Variants in PPARA observed in about 807,000 individuals in gnomAD.
PPARA encodes the protein peroxisome proliferator-activated receptor alpha.
PPARA carries 22 observed loss-of-function variants against 42.2 expected under a neutral mutation model. The observed-to-expected ratio is 0.52, with a 90% CI of 0.37 to 0.74. The LOEUF is 0.74. Among genes scored for constraint, PPARA ranks in the 30% least tolerant of loss-of-function variants. The pLI, the probability that PPARA is intolerant of heterozygous loss-of-function variation, is 0.00. For missense variants in PPARA, 465 were observed against 608.2 expected (o/e 0.76, Z 2.48); for synonymous variants, 242 against 239.3 (o/e 1.01, Z -0.10).
chr22:46,213,524 C>T (rs1444084369), intron 4 of PPARA, among the ~76,000 whole-genome samples: 1 of 151,910 alleles, frequency 6.6e-6, no homozygotes, highest in Non-Finnish European at 1.5e-5. Context: ...TCCCCTGCCT[C>T]AGCCTCCCAA....
rs1934839522 is a variant in PPARA at position 46,219,714 on chromosome 22, A to T, written c.509-98A>T. On this transcript the variant is annotated intron_variant, in intron 6 of 8. Transcript: ENST00000407236. This position sits in a 1 kb window ranked among gnomAD's most constrained non-coding sequence, Gnocchi z 4.8. ...GGGTCTGAACTGCCTGTGAATTTTC[A>T]TTCCTGGTTTAAAGTCCTGGGGGAG... The T allele has an allele frequency of 1.6e-6, 2 of 1,232,062 alleles. No individual in the cohort carries two copies. Among genetic ancestry groups the T allele is most frequent in the African/African-American group, 1.5e-5 (1 of 66,482 alleles). 76.3% of individuals were successfully genotyped at this position (1,232,062 alleles called of 1,614,324 possible). A position where few individuals can be genotyped will look rare whatever the true frequency, so the allele number is the denominator to read the frequency against.
intron 4 of PPARA, among the ~76,000 whole-genome samples, chr22:46,201,305 G>A (rs1932825730): frequency 6.6e-6 from 1 of 152,208 alleles, no homozygotes; most frequent in Admixed American, 6.5e-5. Flanking sequence ...ATTGCAAGAG[G>A]CAAGTGAGCC....
At chr22:46,229,558 CAA>C (rs765912866) in intron 7 of PPARA, among the ~76,000 whole-genome samples, 5 of 123,586 alleles carry the variant, frequency 4.0e-5, no homozygotes, top group Admixed American at 8.3e-5. Context: ...GACTCTGTCT[CAA>C]AAAAAAAAAA....
intron 3 of PPARA, among the ~76,000 whole-genome samples, chr22:46,194,647 T>C (rs186924657): frequency 2.2e-3 from 323 of 149,848 alleles, no homozygotes; most frequent in Non-Finnish European, 3.4e-3. Context: ...TCTCAGCTCA[T>C]TGCAACTTCT....
intron 7 of PPARA, among the ~76,000 whole-genome samples, chr22:46,228,415 A>G (rs1003473799): frequency 6.6e-6 from 1 of 152,226 alleles, no homozygotes; most frequent in Non-Finnish European, 1.5e-5. Context: ...GGGTGCCTGT[A>G]ATCCCAGCTA....
In PPARA at chr22:46,221,336, G is replaced by C. The variant is rs1934986820; in HGVS notation, c.711+1322G>C. Among the ~76,000 whole-genome samples, 1 of 152,184 alleles carries C rather than the reference G, an allele frequency of 6.6e-6. No individual in the cohort carries two copies. The highest frequency in any genetic ancestry group is 1.5e-5 in the Non-Finnish European group (1 of 68,036). On this transcript the variant is annotated intron_variant, in intron 7 of 8. Transcript: ENST00000407236. This position sits in a 1 kb window ranked among gnomAD's most constrained non-coding sequence, Gnocchi z 5.9. Reference sequence around the variant, plus strand: ...CAGTTCACCATGAGATTTGGGTGGGGACACAGAGCCAAACCATATCATAAG... The same window carrying C: ...CAGTTCACCATGAGATTTGGGTGGGCACACAGAGCCAAACCATATCATAAG...
At chr22:46,194,538 C>T (rs547082707) in intron 3 of PPARA, among the ~76,000 whole-genome samples, 17 of 151,098 alleles carry the variant, frequency 1.1e-4, no homozygotes, top group Non-Finnish European at 2.2e-4. Context: ...CCATCCATCA[C>T]ACAGTCTCTG....
intron 4 of PPARA, among the ~76,000 whole-genome samples, chr22:46,214,969 T>C (rs1934333467): frequency 6.6e-6 from 1 of 152,086 alleles, no homozygotes; most frequent in South Asian, 2.1e-4. Context: ...GCGAGCATGC[T>C]GGCTTTGGGA....
rs1929827709 is a variant in PPARA at position 46,180,693 on chromosome 22, G to A, written c.-43+3857G>A. On this transcript the variant is annotated intron_variant, in intron 3 of 8. Transcript: ENST00000407236. The surrounding 1 kb of genome is among the most constrained non-coding windows in gnomAD (Gnocchi z 4.2). ...AAAAGGTACTTGCCTTCTTTGTTTG[G>A]TGCTCTGACTTTCTGGATGCAAGTC... is the stretch of plus-strand genomic sequence containing the variant. 6.6e-6 allele frequency among the ~76,000 whole-genome samples: 1 copy of A among 152,010 alleles called. No homozygotes were observed. The highest frequency in any genetic ancestry group is 1.5e-5 in the Non-Finnish European group (1 of 68,024).
At chr22:46,151,301 G>C (rs1184772820) in intron 1 of PPARA, 1 of 152,264 alleles carries the variant, frequency 6.6e-6, no homozygotes, top group East Asian at 1.9e-4. Context: ...CGGACAGGCT[G>C]CGCTGGGCCG....
chr22:46,239,236 G>A lies in PPARA; in HGVS notation c.*3856G>A, dbSNP rs1170968214. On this transcript the variant is annotated 3_prime_UTR_variant, in exon 9 of 9. Coordinates refer to ENST00000407236, the MANE Select transcript of PPARA (RefSeq NM_005036.6). Reference sequence around the variant, plus strand: ...CAGCCTTCCTGGAGCGTTGTCTGGAGGTTCCAGGGACAGGGCAGCCTCCCA... The same window carrying A: ...CAGCCTTCCTGGAGCGTTGTCTGGAAGTTCCAGGGACAGGGCAGCCTCCCA... 1 of 152,148 alleles carries A rather than the reference G, an allele frequency of 6.6e-6. No homozygotes were observed. Among genetic ancestry groups the A allele is most frequent in the African/African-American group, 2.4e-5 (1 of 41,400 alleles). 9.4% of individuals were successfully genotyped at this position (152,148 alleles called of 1,614,324 possible). A position where few individuals can be genotyped will look rare whatever the true frequency, so the allele number is the denominator to read the frequency against.
At chr22:46,181,988 A>T (rs1038469722) in intron 3 of PPARA, among the ~76,000 whole-genome samples, 14 of 152,194 alleles carry the variant, frequency 9.2e-5, no homozygotes, top group African/African-American at 3.4e-4. Flanking sequence ...ACGGGTGTGC[A>T]CCACCACGCC....
chr22:46,172,626 A>G (rs1416805635), intron 2 of PPARA, among the ~76,000 whole-genome samples: 3 of 152,206 alleles, frequency 2.0e-5, no homozygotes, highest in African/African-American at 4.8e-5. Context: ...TCAAAAAAGA[A>G]AAAAACAGAC....
chr22:46,182,894 G>A lies in PPARA; in HGVS notation c.-43+6058G>A, dbSNP rs1278298188. ...CAAGTAGCTGAGACTACAGGCATAC[G>A]CCACCATGCCCAGCTAATTTTTCTA... On this transcript the variant is annotated intron_variant, in intron 3 of 8. Coordinates refer to ENST00000407236, the MANE Select transcript of PPARA (RefSeq NM_005036.6). This position sits in a 1 kb window ranked among gnomAD's most constrained non-coding sequence, Gnocchi z 5.2. Among the ~76,000 whole-genome samples the A allele has an allele frequency of 2.0e-5, 3 of 152,026 alleles. No individual in the cohort carries two copies. The highest frequency in any genetic ancestry group is 4.4e-5 in the Non-Finnish European group (3 of 68,000).
chr22:46,172,421 G>C (rs135536), intron 2 of PPARA, among the ~76,000 whole-genome samples: 28,777 of 151,840 alleles, frequency 0.19, 3,211 homozygotes, highest in Non-Finnish European at 0.26. Context: ...CTGAAGTCAG[G>C]AGTTGGAGAC....
At position 46,156,858 on chromosome 22, in the gene PPARA, T is replaced by G. The variant is rs987696937; in HGVS notation, c.-127+4888T>G. On this transcript the variant is annotated intron_variant, in intron 2 of 8. Coordinates refer to ENST00000407236, the MANE Select transcript of PPARA (RefSeq NM_005036.6). The surrounding 1 kb of genome is among the most constrained non-coding windows in gnomAD (Gnocchi z 5.2). Reference sequence around the variant, plus strand: ...CTCAGGTGATCCACCTGCTTCAGCCTCCCAAAGTCTTAGGATTACAGGCGT... The same window carrying G: ...CTCAGGTGATCCACCTGCTTCAGCCGCCCAAAGTCTTAGGATTACAGGCGT... Among the ~76,000 whole-genome samples, 1 of 152,220 alleles carries G rather than the reference T, an allele frequency of 6.6e-6. No homozygotes were observed. Among genetic ancestry groups the G allele is most frequent in the Non-Finnish European group, 1.5e-5 (1 of 68,040 alleles).
At position 46,191,796 on chromosome 22, in the gene PPARA, G is replaced by A. The variant is rs1931596218; in HGVS notation, c.-42-6546G>A. Reference sequence around the variant, plus strand: ...AGAAATAGATATTGAGGCCAGGCGCGGTGGCTCATGCCTGTAATCCCAGCA... The same window carrying A: ...AGAAATAGATATTGAGGCCAGGCGCAGTGGCTCATGCCTGTAATCCCAGCA... On this transcript the variant is annotated intron_variant, in intron 3 of 8. Transcript: ENST00000407236. This position sits in a 1 kb window ranked among gnomAD's most constrained non-coding sequence, Gnocchi z 4.6. 2.0e-5 allele frequency among the ~76,000 whole-genome samples: 3 copies of A among 152,244 alleles called. No individual in the cohort carries two copies. Among genetic ancestry groups the A allele is most frequent in the South Asian group, 4.1e-4 (2 of 4,820 alleles).
rs1935256138 is a variant in PPARA, at chr22:46,224,575, C to A, written c.711+4561C>A. ...GTGACCTCACAGCCCCAGCCACGCC[C>A]CACAGAGCCTCAGGAAGGCACACTG... On this transcript the variant is annotated intron_variant, in intron 7 of 8. Transcript: ENST00000407236. This position sits in a 1 kb window ranked among gnomAD's most constrained non-coding sequence, Gnocchi z 5.7. 6.6e-6 allele frequency among the ~76,000 whole-genome samples: 1 copy of A among 152,212 alleles called. No individual in the cohort carries two copies. The highest frequency in any genetic ancestry group is 2.1e-4 in the South Asian group (1 of 4,836).
Position 46,190,965 on chromosome 22 carries a change from C to T in PPARA, c.-42-7377C>T, listed in dbSNP as rs536259406. Among the ~76,000 whole-genome samples the T allele has an allele frequency of 4.6e-5, 7 of 152,168 alleles. No individual in the cohort carries two copies. The highest frequency in any genetic ancestry group is 9.6e-5 in the African/African-American group (4 of 41,514). ...CAGCACTTTGGGAGGCCGAGGTGGG[C>T]GGATTACCTGAGGTCAGGTGTTCAA... On this transcript the variant is annotated intron_variant, in intron 3 of 8. Transcript: ENST00000407236. The surrounding 1 kb of genome is among the most constrained non-coding windows in gnomAD (Gnocchi z 5.6).
Sources: gnomAD v4.1 joint callset for allele counts (sites outside exome capture counted in the v4.1 genomes callset) on GRCh38, gnomAD v4.1.1 for gene constraint, Gnocchi (gnomAD v3.1) non-coding constraint, MANE v1.5 for transcripts, NCBI Gene and HGNC (gene_info 2026-07-23, HGNC 2026-07-21) for gene names.